Variants in ZDHHC2 observed in about 807,000 individuals in gnomAD.
The protein encoded by ZDHHC2 is palmitoyltransferase ZDHHC2.
A neutral mutation model predicts 55.6 loss-of-function variants in ZDHHC2; 51 were observed. That is an observed-to-expected ratio of 0.92 (90% CI 0.73 to 1.16). ZDHHC2 has a LOEUF of 1.16. Among genes scored for constraint, ZDHHC2 ranks in the 50% most tolerant of loss-of-function variants. The pLI is 0.00. For missense variants in ZDHHC2, 491 were observed against 442.4 expected (o/e 1.11, Z -0.99); for synonymous variants, 199 against 152.9 (o/e 1.30, Z -2.22).
At chr8:17,175,252 G>A (rs1187934789) in intron 1 of ZDHHC2, among the ~76,000 whole-genome samples, 1 of 152,068 alleles carries the variant, frequency 6.6e-6, no homozygotes, top group African/African-American at 2.4e-5. Flanking sequence ...GGTGTGGGTG[G>A]GGTTGACAGG....
At chr8:17,199,396 CT>C (rs1415034102) in intron 6 of ZDHHC2, among the ~76,000 whole-genome samples, 1 of 151,952 alleles carries the variant, frequency 6.6e-6, no homozygotes, top group Non-Finnish European at 1.5e-5. Flanking sequence ...TTTTGCCCCC[CT>C]GCCCCCAGTT....
intron 7 of ZDHHC2, among the ~76,000 whole-genome samples, chr8:17,206,898 C>T (rs1807127021): frequency 6.6e-6 from 1 of 152,100 alleles, no homozygotes; most frequent in Non-Finnish European, 1.5e-5. Flanking sequence ...TATTGAATGC[C>T]TACTGTGTGC....
At chr8:17,185,464 C>G (rs761033145) in intron 2 of ZDHHC2, among the ~76,000 whole-genome samples, 3 of 151,906 alleles carry the variant, frequency 2.0e-5, no homozygotes, top group African/African-American at 7.3e-5. Flanking sequence ...CAAGACCAGC[C>G]TGGCCAGCAT....
At chr8:17,210,572 G>C in intron 10 of ZDHHC2, 92 bp downstream of exon 10, 1 of 1,110,456 alleles carries the variant, frequency 9.0e-7, no homozygotes, top group Non-Finnish European at 1.3e-6. Context: ...AAAAAATGAA[G>C]ACCATAAGAA....
chr8:17,179,522 C>T (rs1172708022), intron 1 of ZDHHC2, among the ~76,000 whole-genome samples: 2 of 152,070 alleles, frequency 1.3e-5, no homozygotes, highest in Non-Finnish European at 2.9e-5. Context: ...AGTTCTCCTG[C>T]CCCCAGTCTC....
Position 17,156,512 on chromosome 8 carries a change from C to T in ZDHHC2, c.-212C>T, listed in dbSNP as rs1451304560. ...CTCGGCCTCCGCTCGCAGCCGCCGCCTCCGCCTCCGCCGGGCTGAGGAGCC... is the reference window on the plus strand; with the variant it reads ...CTCGGCCTCCGCTCGCAGCCGCCGCTTCCGCCTCCGCCGGGCTGAGGAGCC... On this transcript the variant is annotated 5_prime_UTR_variant, in exon 1 of 13. Coordinates refer to ENST00000262096, the MANE Select transcript of ZDHHC2 (RefSeq NM_016353.5). 4 of 187,542 alleles carry T rather than the reference C, an allele frequency of 2.1e-5. No homozygotes were observed. The highest frequency in any genetic ancestry group is 3.0e-5 in the Non-Finnish European group (3 of 100,652). 11.6% of individuals were successfully genotyped at this position (187,542 alleles called of 1,614,324 possible).
chr8:17,214,047 T>A (rs1807518761), intron 10 of ZDHHC2, among the ~76,000 whole-genome samples: 1 of 152,190 alleles, frequency 6.6e-6, no homozygotes, highest in Non-Finnish European at 1.5e-5. Flanking sequence ...TATATATAAT[T>A]GAACTCAAAT....
intron 12 of ZDHHC2, 48 bp downstream of exon 12, chr8:17,217,294 A>AT: frequency 7.5e-7 from 1 of 1,334,978 alleles, no homozygotes; most frequent in South Asian, 1.3e-5. Flanking sequence ...CAGTCTTCTA[A>AT]TTTTATTAGG....
At chr8:17,217,146 A>T (rs199830851) in intron 11 of ZDHHC2, 26 bp from the exon 12 acceptor site, 3 of 1,606,198 alleles carry the variant, frequency 1.9e-6, no homozygotes, top group East Asian at 4.5e-5. Context: ...GCAACCAAAA[A>T]TGCTAACTTA....
chr8:17,188,288 C>A (rs781195958), intron 3 of ZDHHC2, among the ~76,000 whole-genome samples: 1 of 152,048 alleles, frequency 6.6e-6, no homozygotes, highest in Non-Finnish European at 1.5e-5. Flanking sequence ...TCCTAAAAAC[C>A]AATGTAACGC....
chr8:17,215,177 C>T, intron 10 of ZDHHC2, 60 bp from the exon 11 acceptor site: 5 of 1,459,704 alleles, frequency 3.4e-6, no homozygotes, highest in South Asian at 2.5e-5. Context: ...GAGAAACAAT[C>T]AACTTTACTA....
chr8:17,171,706 C>T (rs987150825), intron 1 of ZDHHC2, among the ~76,000 whole-genome samples: 3 of 151,654 alleles, frequency 2.0e-5, no homozygotes, highest in African/African-American at 4.8e-5. Context: ...TGTTGAATTC[C>T]GCCACGTGTG....
In ZDHHC2 at chr8:17,203,374, C is replaced by G. The variant is rs560307574; in HGVS notation, c.477-2281C>G. ...GCCTCCCGAGTAGCTGGAACTACAG[C>G]CATGTGCCACCATGCCCGGCTAATT... On this transcript the variant is annotated intron_variant, in intron 6 of 12. Coordinates refer to ENST00000262096, the MANE Select transcript of ZDHHC2 (RefSeq NM_016353.5). 2.6e-5 allele frequency among the ~76,000 whole-genome samples: 4 copies of G among 151,930 alleles called. No individual in the cohort carries two copies. The East Asian group carries it at 7.8e-4, about 30-fold the overall frequency.
intron 6 of ZDHHC2, among the ~76,000 whole-genome samples, chr8:17,200,554 T>C (rs770642865): frequency 5.3e-5 from 8 of 152,068 alleles, no homozygotes; most frequent in Non-Finnish European, 1.0e-4. Context: ...AATGGAGAGG[T>C]GGAAAAAAAT....
At chr8:17,189,704 A>C (rs185092170) in intron 3 of ZDHHC2, among the ~76,000 whole-genome samples, 1 of 152,368 alleles carries the variant, frequency 6.6e-6, no homozygotes, top group Non-Finnish European at 1.5e-5. Flanking sequence ...TGGATTGGAC[A>C]GAGTGGCAAA....
At chr8:17,163,120 G>A (rs564563838) in intron 1 of ZDHHC2, among the ~76,000 whole-genome samples, 8 of 152,322 alleles carry the variant, frequency 5.3e-5, no homozygotes, top group East Asian at 1.9e-4. Flanking sequence ...AATCCACGGC[G>A]AGCCTGGAGA....
rs1361904400 is a variant in ZDHHC2 at position 17,224,019 on chromosome 8, A to G, written c.*3798A>G. ...TGTTGAGTGTTTCAGGAGACTCTGA[A>G]ACAGGGCACCCATTTTTTTTTTCCT... On this transcript the variant is annotated 3_prime_UTR_variant, in exon 13 of 13. Coordinates refer to ENST00000262096, the MANE Select transcript of ZDHHC2 (RefSeq NM_016353.5). The G allele has an allele frequency of 6.6e-6, 1 of 151,578 alleles. No homozygotes were observed. The highest frequency in any genetic ancestry group is 2.4e-5 in the African/African-American group (1 of 41,278). The allele number at this position is 151,578 out of a possible 1,614,324, so 9.4% of individuals were successfully genotyped here.
chr8:17,194,165 C>G (rs1313217593), intron 3 of ZDHHC2, among the ~76,000 whole-genome samples: 1 of 152,102 alleles, frequency 6.6e-6, no homozygotes, highest in Non-Finnish European at 1.5e-5. Context: ...TCCAGTCTAT[C>G]ATTGATGGGC....
intron 8 of ZDHHC2, among the ~76,000 whole-genome samples, chr8:17,209,281 A>G (rs1807257226): frequency 6.6e-6 from 1 of 152,066 alleles, no homozygotes; most frequent in Admixed American, 6.6e-5. Flanking sequence ...TTAAAAGTAG[A>G]TTTTATAGTC....
Sources: gnomAD v4.1 joint callset for allele counts (sites outside exome capture counted in the v4.1 genomes callset) on GRCh38, gnomAD v4.1.1 for gene constraint, MANE v1.5 for transcripts, NCBI Gene and HGNC (gene_info 2026-07-23, HGNC 2026-07-21) for gene names.